SMIM27: variants seen among roughly 807,000 people sequenced by gnomAD.
SMIM27 encodes transition zone microprotein 1.
In SMIM27, 3 loss-of-function variants were observed where a neutral mutation model predicts 1.8. The ratio of observed to expected loss-of-function variants is 1.65; its 90% CI spans 0.75 to 4.28. The LOEUF (loss-of-function observed/expected upper bound fraction) is 4.28. Ranked by LOEUF, SMIM27 falls within the 30% of genes most tolerant of loss-of-function variation. The pLI, the probability that SMIM27 is intolerant of heterozygous loss-of-function variation, is 0.02. For synonymous variants in SMIM27, 19 were observed against 13.9 expected (o/e 1.37, Z -0.82); for missense variants, 63 against 37.0 (o/e 1.70, Z -1.83).
chr9:32,563,390 G>T (rs1348850611), intron 1 of SMIM27, among the ~76,000 whole-genome samples: 5 of 151,498 alleles, frequency 3.3e-5, no homozygotes, highest in African/African-American at 1.2e-4. Flanking sequence ...CAGGATGGCT[G>T]GAGTACAGTG....
At chr9:32,561,008 G>A (rs142385154) in intron 1 of SMIM27, among the ~76,000 whole-genome samples, 480 of 152,146 alleles carry the variant, frequency 3.2e-3, no homozygotes, top group Non-Finnish European at 4.7e-3. Context: ...TCTTCTCTAG[G>A]GTCTTACATG....
chr9:32,551,175 G>A, upstream of SMIM27: 1 of 642,938 alleles, frequency 1.6e-6, no homozygotes, highest in Non-Finnish European at 2.8e-6. Flanking sequence ...GGAGGGCAGC[G>A]CGACCCTCCC....
intron 1 of SMIM27, among the ~76,000 whole-genome samples, chr9:32,561,383 G>A (rs1378634935): frequency 1.3e-5 from 2 of 151,372 alleles, no homozygotes; most frequent in Non-Finnish European, 2.9e-5. Flanking sequence ...TGGAGAGTGC[G>A]GTGGCCCAAT....
At chr9:32,564,997 T>G (rs1821739560) in intron 1 of SMIM27, among the ~76,000 whole-genome samples, 2 of 152,142 alleles carry the variant, frequency 1.3e-5, no homozygotes, top group South Asian at 2.1e-4. Context: ...TTTGCCATTA[T>G]AAACAATTCA....
chr9:32,552,784 T>G lies in SMIM27; in HGVS notation c.46-17T>G. ...TATCAGGTAGATTTCACACCTCCTT[T>G]GCGATTTTTGGTTTAGTTGCTGCTT... On this transcript the variant is annotated splice_polypyrimidine_tract_variant and intron_variant, in intron 1 of 1. Transcript: ENST00000692500. 1 of 699,296 alleles carries G rather than the reference T, an allele frequency of 1.4e-6. No homozygotes were observed. Among genetic ancestry groups the G allele is most frequent in the Admixed American group, 2.0e-5 (1 of 49,124 alleles). 43.3% of individuals were successfully genotyped at this position (699,296 alleles called of 1,614,324 possible). A position where few individuals can be genotyped will look rare whatever the true frequency, so the allele number is the denominator to read the frequency against.
chr9:32,558,995 A>G, intron 1 of SMIM27: 2 of 1,433,374 alleles, frequency 1.4e-6, no homozygotes, highest in Non-Finnish European at 1.9e-6. Context: ...TGGTGTTAAG[A>G]GTTTCTTCTG....
chr9:32,551,642 T>C (rs1821264109), upstream of SMIM27: 1 of 273,346 alleles, frequency 3.7e-6, no homozygotes, highest in Admixed American at 3.9e-5. Context: ...TGCCAGATTC[T>C]ACTCCTCAGG....
intron 1 of SMIM27, chr9:32,558,959 A>G (rs370888774): frequency 3.0e-5 from 47 of 1,576,232 alleles, no homozygotes; most frequent in Non-Finnish European, 3.7e-5. Context: ...TTTTTCCTGT[A>G]ATAAAAGTTA....
At chr9:32,566,320 C>T in intron 1 of SMIM27, 1 of 1,182,014 alleles carries the variant, frequency 8.5e-7, no homozygotes. Flanking sequence ...ACTTCTCTTC[C>T]ATCTTGTTCT....
chr9:32,552,311 G>A, upstream of SMIM27: 1 of 1,393,890 alleles, frequency 7.2e-7, no homozygotes, highest in Non-Finnish European at 1.0e-6. Flanking sequence ...TGCACGAAGC[G>A]AGTGGGCGGG....
chr9:32,551,448 TC>T, upstream of SMIM27: 1 of 280,306 alleles, frequency 3.6e-6, no homozygotes, highest in Non-Finnish European at 7.2e-6. Flanking sequence ...TATAAAGTCT[TC>T]AGAGAGGGAT....
chr9:32,565,725 A>G (rs1821764207), intron 1 of SMIM27: 1 of 153,966 alleles, frequency 6.5e-6, no homozygotes, highest in East Asian at 1.9e-4. Flanking sequence ...TAATCCCAGC[A>G]CTTTGGTAGG....
intron 1 of SMIM27, among the ~76,000 whole-genome samples, chr9:32,559,469 A>C (rs1305834106): frequency 6.6e-6 from 1 of 152,182 alleles, no homozygotes; most frequent in Non-Finnish European, 1.5e-5. Context: ...CTCTGCTCAA[A>C]GTTTCATAAT....
intron 1 of SMIM27, among the ~76,000 whole-genome samples, chr9:32,563,643 T>C (rs1369238114): frequency 1.3e-5 from 2 of 152,136 alleles, no homozygotes; most frequent in African/African-American, 4.8e-5. Context: ...CATCCTTTGA[T>C]GTTCCTTAGC....
At chr9:32,551,465 C>T (rs1379081418), upstream of SMIM27, 2 of 274,622 alleles carry the variant, frequency 7.3e-6, no homozygotes, top group Non-Finnish European at 1.5e-5. Context: ...GGGATCCCCT[C>T]CAGGCTGGGG....
At chr9:32,559,323 TC>T (rs1375518513) in intron 1 of SMIM27, among the ~76,000 whole-genome samples, 1 of 152,176 alleles carries the variant, frequency 6.6e-6, no homozygotes, top group Non-Finnish European at 1.5e-5. Flanking sequence ...TGTCCAAGCC[TC>T]TATCATATTT....
At chr9:32,564,421 CA>C (rs1288104899) in intron 1 of SMIM27, among the ~76,000 whole-genome samples, 1 of 151,976 alleles carries the variant, frequency 6.6e-6, no homozygotes, top group Non-Finnish European at 1.5e-5. Context: ...CCGAGACAAG[CA>C]ACTCTATCAG....
rs1483878866 is a variant in SMIM27, at chr9:32,552,881, G to A, written c.126G>A (p.Lys42=). Reference sequence around the variant, plus strand: ...TGTCTGCAAGACGACAGCTAAGGAAGAAATACCCAGACAAAATCTTTGGGA... The same window carrying A: ...TGTCTGCAAGACGACAGCTAAGGAAAAAATACCCAGACAAAATCTTTGGGA... The part of the protein sequence containing the change: ...SMVSARRQLR[K]KYPDKIFGTN... The change falls in exon 2 of 2, where the codon AAG becomes AAA. Residue 42 remains lysine, a synonymous_variant. Transcript: ENST00000692500. The A allele has an allele frequency of 4.3e-6, 3 of 702,624 alleles. No homozygotes were observed. Among genetic ancestry groups the A allele is most frequent in the Non-Finnish European group, 7.8e-6 (3 of 384,792 alleles). The allele number at this position is 702,624 out of a possible 1,614,324, so 43.5% of individuals were successfully genotyped here.
chr9:32,552,559 C>A, intron 1 of SMIM27, 80 bp downstream of exon 1: 1 of 1,271,470 alleles, frequency 7.9e-7, no homozygotes, highest in African/African-American at 1.5e-5. Flanking sequence ...CTTCAGCACC[C>A]AGAAACTCCA....
Sources: allele counts gnomAD v4.1 joint callset (sites outside exome capture counted in the v4.1 genomes callset), GRCh38; gene constraint gnomAD v4.1.1; transcripts MANE v1.5; gene names NCBI Gene and HGNC (gene_info 2026-07-23, HGNC 2026-07-21).